The following PIGK variants were observed in gnomAD, a reference collection of about 807,000 sequenced individuals.
The protein encoded by PIGK is phosphatidylinositol glycan anchor biosynthesis class K.
PIGK carries 42 observed loss-of-function variants against 50.6 expected under a neutral mutation model. That is an observed-to-expected ratio of 0.83 (90% CI 0.65 to 1.07). PIGK has a LOEUF of 1.07. Among genes scored for constraint, PIGK ranks in the 50% least tolerant of loss-of-function variants. PIGK has a pLI of 0.00. For synonymous variants in PIGK, 151 were observed against 156.0 expected (o/e 0.97, Z 0.24); for missense variants, 448 against 488.7 (o/e 0.92, Z 0.78).
intron 3 of PIGK, among the ~76,000 whole-genome samples, chr1:77,204,944 A>G (rs1656256348): frequency 6.6e-6 from 1 of 152,168 alleles, no homozygotes; most frequent in South Asian, 2.1e-4. Context: ...TTAAATCCTT[A>G]ATTACCCCAC....
chr1:77,095,766 A>G (rs1335332149), intron 10 of PIGK, among the ~76,000 whole-genome samples: 1 of 152,126 alleles, frequency 6.6e-6, no homozygotes, highest in Non-Finnish European at 1.5e-5. Flanking sequence ...ATGGTAGCAG[A>G]TGATCCTAGT....
At chr1:77,130,842 C>A (rs1654357532) in intron 9 of PIGK, among the ~76,000 whole-genome samples, 1 of 152,066 alleles carries the variant, frequency 6.6e-6, no homozygotes, top group Non-Finnish European at 1.5e-5. Context: ...AGTTGTGTGA[C>A]CAGATACAAA....
rs1467650974 is a variant in PIGK, at chr1:77,147,797, T to C, written c.986+6652A>G. ...AGTCCTTATTTTACCTCATCTGCTC[T>C]TGCAAATAAATTACAACACAATTAG... is the stretch of plus-strand genomic sequence containing the variant. On this transcript the variant is annotated intron_variant, in intron 9 of 10. Transcript: ENST00000370812. Among the ~76,000 whole-genome samples, 3 of 152,358 alleles carry C rather than the reference T, an allele frequency of 2.0e-5. No homozygotes were observed. The East Asian group carries it at 5.8e-4, about 29-fold the overall frequency.
At chr1:77,100,665 G>A (rs920137250) in intron 10 of PIGK, among the ~76,000 whole-genome samples, 1 of 151,980 alleles carries the variant, frequency 6.6e-6, no homozygotes, top group African/African-American at 2.4e-5. Flanking sequence ...GAAAGAGGTG[G>A]GAAATAAGGC....
chr1:77,127,706 G>A (rs1654263425), intron 9 of PIGK, among the ~76,000 whole-genome samples: 1 of 152,110 alleles, frequency 6.6e-6, no homozygotes, highest in South Asian at 2.1e-4. Context: ...ATCATCTAGA[G>A]TAATCCAAAA....
chr1:77,179,406 G>A (rs1282901899), intron 3 of PIGK, among the ~76,000 whole-genome samples: 3 of 152,168 alleles, frequency 2.0e-5, no homozygotes, highest in Admixed American at 6.5e-5. Context: ...AACTTAATAG[G>A]TAGACAACAC....
chr1:77,163,690 A>G (rs1297442997), intron 6 of PIGK, among the ~76,000 whole-genome samples, 156 bp downstream of exon 6: 1 of 152,208 alleles, frequency 6.6e-6, no homozygotes, highest in East Asian at 1.9e-4. Flanking sequence ...TTTAAAAACA[A>G]CCCAGTTCAG....
At chr1:77,131,771 T>C (rs1654376141) in intron 9 of PIGK, among the ~76,000 whole-genome samples, 1 of 152,130 alleles carries the variant, frequency 6.6e-6, no homozygotes, top group Admixed American at 6.5e-5. Flanking sequence ...TCATGAAATG[T>C]TTTTATACAT....
chr1:77,200,352 AAAGT>A (rs1268703441), intron 3 of PIGK, among the ~76,000 whole-genome samples: 1 of 152,154 alleles, frequency 6.6e-6, no homozygotes, highest in Non-Finnish European at 1.5e-5. Flanking sequence ...AAATATGAAA[AAAGT>A]AAGAAAATGA....
Position 77,106,099 on chromosome 1 carries a change from T to C in PIGK, c.1072-13609A>G, listed in dbSNP as rs190038244. On this transcript the variant is annotated intron_variant, in intron 10 of 10. Transcript: ENST00000370812. ...ACACACCAAAAATGAATAATGCTTG[T>C]TTCCCGTTACGCAAATATTCCTAAA... Among the ~76,000 whole-genome samples, 417 of 152,362 alleles carry C rather than the reference T, an allele frequency of 2.7e-3. 1 individual carries two copies. Among genetic ancestry groups the C allele is most frequent in the African/African-American group, 9.2e-3 (384 of 41,594 alleles).
chr1:77,215,029 TG>T (rs1656520706), intron 1 of PIGK, among the ~76,000 whole-genome samples: 1 of 152,110 alleles, frequency 6.6e-6, no homozygotes, highest in South Asian at 2.1e-4. Context: ...TTCCATGCAT[TG>T]AATTGGAAGA....
rs1391889161 is a variant in PIGK, at chr1:77,092,509, A to G, written c.1072-19T>C. 1.6e-6 allele frequency: 2 copies of G among 1,259,532 alleles called. No homozygotes were observed. Among genetic ancestry groups the G allele is most frequent in the Non-Finnish European group, 1.1e-6 (1 of 873,252 alleles). The allele number at this position is 1,259,532 out of a possible 1,614,324, so 78.0% of individuals were successfully genotyped here. Reference sequence around the variant, plus strand: ...TCGGTTTCTGCAAAACAAGAATAACATGATAAATTTTATAACAGGTAAATA... The same window carrying G: ...TCGGTTTCTGCAAAACAAGAATAACGTGATAAATTTTATAACAGGTAAATA... On this transcript the variant is annotated intron_variant, in intron 10 of 10. Transcript: ENST00000370812.
At chr1:77,104,533 G>A (rs1653621548) in intron 10 of PIGK, among the ~76,000 whole-genome samples, 2 of 152,034 alleles carry the variant, frequency 1.3e-5, no homozygotes, top group Non-Finnish European at 2.9e-5. Flanking sequence ...ATGAAGCACA[G>A]AAGAAAAAGG....
intron 3 of PIGK, among the ~76,000 whole-genome samples, chr1:77,199,368 T>A (rs943250760): frequency 6.6e-6 from 1 of 152,042 alleles, no homozygotes; most frequent in African/African-American, 2.4e-5. Context: ...ATTATTTATA[T>A]TTTTAGGAAG....
intron 2 of PIGK, among the ~76,000 whole-genome samples, chr1:77,209,889 C>T (rs1281481141): frequency 6.6e-6 from 1 of 151,912 alleles, no homozygotes; most frequent in Non-Finnish European, 1.5e-5. Flanking sequence ...AGGGAAAGGG[C>T]TTGAACAATG....
At chr1:77,173,969 C>T (rs1655423559) in intron 3 of PIGK, among the ~76,000 whole-genome samples, 4 of 152,200 alleles carry the variant, frequency 2.6e-5, no homozygotes, top group African/African-American at 7.2e-5. Context: ...CGAAAATTAT[C>T]TTGAGCAGTT....
chr1:77,134,030 C>A (rs531478550), intron 9 of PIGK, among the ~76,000 whole-genome samples: 1 of 152,238 alleles, frequency 6.6e-6, no homozygotes, highest in Non-Finnish European at 1.5e-5. Flanking sequence ...CAACTAATCA[C>A]CTCAATCATT....
intron 10 of PIGK, among the ~76,000 whole-genome samples, chr1:77,121,897 C>T (rs575153388): frequency 7.2e-4 from 109 of 152,246 alleles, no homozygotes; most frequent in African/African-American, 2.4e-3. Context: ...ATTGTTTTCT[C>T]TTTTTAGTGA....
intron 2 of PIGK, among the ~76,000 whole-genome samples, chr1:77,207,831 G>C (rs991004997): frequency 6.6e-6 from 1 of 151,850 alleles, no homozygotes; most frequent in Non-Finnish European, 1.5e-5. Flanking sequence ...GGAACTACAT[G>C]GTTTTTTTTT....
Sources: allele counts gnomAD v4.1 joint callset (sites outside exome capture counted in the v4.1 genomes callset), GRCh38; gene constraint gnomAD v4.1.1; transcripts MANE v1.5; gene names NCBI Gene and HGNC (gene_info 2026-07-23, HGNC 2026-07-21).